Variants in ARSG observed in about 807,000 individuals in gnomAD.
ARSG encodes ASG.
Under a neutral mutation model 50.5 loss-of-function variants are expected in ARSG, and 37 were observed. The observed-to-expected ratio is 0.73, with a 90% CI of 0.56 to 0.96. The LOEUF (loss-of-function observed/expected upper bound fraction) is 0.96, where lower values mean the gene tolerates loss of function less well. Ranked by LOEUF, ARSG falls within the 50% of genes least tolerant of loss-of-function variation. The probability of loss-of-function intolerance (pLI) is 0.00; values close to 1 mark genes in which losing one functional copy is unlikely to be tolerated. For synonymous variants in ARSG, 225 were observed against 254.6 expected (o/e 0.88, Z 1.11); for missense variants, 629 against 675.3 (o/e 0.93, Z 0.76).
chr17:68,388,211 TCA>T, intron 9 of ARSG, among the ~76,000 whole-genome samples: 1 of 152,278 alleles, frequency 6.6e-6, no homozygotes, highest in East Asian at 1.9e-4. Flanking sequence ...GGAAAAGGTT[TCA>T]GTAGTTTTAA....
At chr17:68,437,006 A>ATGTGTGTG in the ARSG span, among the ~76,000 whole-genome samples, 3 of 68,784 alleles carry the variant, frequency 4.4e-5, no homozygotes, top group African/African-American at 1.6e-4. Context: ...AAAAAAAAAA[A>ATGTGTGTG]TATATATATA....
intron 2 of ARSG, among the ~76,000 whole-genome samples, chr17:68,341,953 G>A (rs547487430): frequency 6.6e-6 from 1 of 152,168 alleles, no homozygotes; most frequent in African/African-American, 2.4e-5. Flanking sequence ...CCAAGTAGCT[G>A]GGGTTACAGG....
intron 1 of ARSG, among the ~76,000 whole-genome samples, chr17:68,299,063 A>G (rs1408991736): frequency 6.7e-6 from 1 of 148,722 alleles, no homozygotes; most frequent in Admixed American, 6.7e-5. Flanking sequence ...AAAGTTTCCT[A>G]TTCTCATGCA....
At chr17:68,385,675 G>A (rs2080686073) in intron 9 of ARSG, among the ~76,000 whole-genome samples, 1 of 152,146 alleles carries the variant, frequency 6.6e-6, no homozygotes, top group African/African-American at 2.4e-5. Flanking sequence ...ACATACATCA[G>A]CATTGGGTCC....
intron 8 of ARSG, among the ~76,000 whole-genome samples, chr17:68,375,300 C>T (rs2080090476): frequency 6.6e-6 from 1 of 152,064 alleles, no homozygotes; most frequent in African/African-American, 2.4e-5. Context: ...GTAGAACTTT[C>T]AACTTTAGAC....
the ARSG span, among the ~76,000 whole-genome samples, chr17:68,439,566 C>T: frequency 1.3e-5 from 2 of 152,080 alleles, no homozygotes; most frequent in East Asian, 1.9e-4. Context: ...TACACAATTC[C>T]GTGAATATAC....
At chr17:68,273,995 GT>G (rs1568408041) in intron 1 of ARSG, 1 of 1,614,040 alleles carries the variant, frequency 6.2e-7, no homozygotes, top group Non-Finnish European at 8.5e-7. Flanking sequence ...CACCATCCCG[GT>G]GCTGACAAGT....
upstream of ARSG, among the ~76,000 whole-genome samples, chr17:68,286,650 A>G (rs897764595): frequency 1.4e-4 from 22 of 152,082 alleles, no homozygotes; most frequent in Admixed American, 1.4e-3. Flanking sequence ...GATTACAGGC[A>G]CCCACCATCA....
At chr17:68,312,115 A>G (rs2076884197) in intron 2 of ARSG, among the ~76,000 whole-genome samples, 1 of 151,970 alleles carries the variant, frequency 6.6e-6, no homozygotes, top group Admixed American at 6.6e-5. Context: ...TGTTGTTTTA[A>G]GCCACACAGC....
downstream of ARSG, chr17:68,422,055 GTA>G: frequency 1.8e-6 from 1 of 553,756 alleles, no homozygotes; most frequent in Non-Finnish European, 3.2e-6. Context: ...GTGTGTGTGT[GTA>G]TGTATTTATA....
At chr17:68,303,206 C>T (rs1489070583) in intron 1 of ARSG, among the ~76,000 whole-genome samples, 1 of 152,138 alleles carries the variant, frequency 6.6e-6, no homozygotes, top group Non-Finnish European at 1.5e-5. Context: ...CTCGCCACAG[C>T]CTTGAACTCC....
chr17:68,396,013 T>TG (rs1471491999), intron 10 of ARSG, among the ~76,000 whole-genome samples: 16 of 121,434 alleles, frequency 1.3e-4, no homozygotes, highest in African/African-American at 3.5e-4. Context: ...TTTTTTTTTT[T>TG]TGTTTTTTTT....
At chr17:68,345,908 C>G (rs968996874) in intron 3 of ARSG, among the ~76,000 whole-genome samples, 2 of 152,108 alleles carry the variant, frequency 1.3e-5, no homozygotes, top group Admixed American at 1.3e-4. Context: ...CAAAGTCTTA[C>G]TCTGTCACCC....
Position 68,271,560 on chromosome 17 carries a change from G to A in ARSG, c.-552+12134G>A. On this transcript the variant is annotated intron_variant, in intron 1 of 11. Transcript: ENST00000448504. The surrounding 1 kb of genome is among the most constrained non-coding windows in gnomAD (Gnocchi z 5.3). The stretch of plus-strand genomic sequence containing the variant: ...CTGGTCCTCTGATAAAGATGGGTCT[G>A]AGCAGTGCTCCGAAGATGACAATGT... 1.2e-6 allele frequency: 2 copies of A among 1,614,216 alleles called. No homozygotes were observed. The highest frequency in any genetic ancestry group is 1.1e-5 in the South Asian group (1 of 91,080).
intron 2 of ARSG, among the ~76,000 whole-genome samples, chr17:68,313,679 C>CACTTT (rs2076953146): frequency 2.5e-5 from 1 of 40,776 alleles, no homozygotes; most frequent in Non-Finnish European, 6.0e-5. Context: ...ATCTCTCTCT[C>CACTTT]TCTCTTTTTT....
chr17:68,352,175 GAGAGAGAGAC>G (rs2078827375), intron 5 of ARSG, among the ~76,000 whole-genome samples: 5 of 150,390 alleles, frequency 3.3e-5, no homozygotes, highest in African/African-American at 1.2e-4. Flanking sequence ...GAGAGAGAGA[GAGAGAGAGAC>G]AGAGACAGAG....
At chr17:68,386,080 C>T (rs1365702724) in intron 9 of ARSG, among the ~76,000 whole-genome samples, 1 of 152,186 alleles carries the variant, frequency 6.6e-6, no homozygotes, top group East Asian at 1.9e-4. Flanking sequence ...CTTATTGCCG[C>T]CTTAAGGCAG....
chr17:68,346,747 AC>A, intron 3 of ARSG: 1 of 1,285,260 alleles, frequency 7.8e-7, no homozygotes, highest in South Asian at 1.2e-5. Flanking sequence ...GTGCACCTGC[AC>A]CCTGGGCCTC....
rs2078539514 is a variant in ARSG at position 68,347,024 on chromosome 17, A to G, written c.407-101A>G. ...CTTCTTTTGGCTTGTCCACAGTGCG[A>G]GGCGAAGCTAATGGAGAGCTGAGTG... is the stretch of plus-strand genomic sequence containing the variant. On this transcript the variant is annotated intron_variant, in intron 3 of 11. Transcript: ENST00000621439. 1.9e-6 allele frequency: 3 copies of G among 1,574,378 alleles called. No individual in the cohort carries two copies. In the African/African-American group the frequency reaches 4.1e-5, roughly 21 times the overall value.
Sources: gnomAD v4.1 joint callset for allele counts (sites outside exome capture counted in the v4.1 genomes callset) on GRCh38, gnomAD v4.1.1 for gene constraint, Gnocchi (gnomAD v3.1) non-coding constraint, MANE v1.5 for transcripts, NCBI Gene and HGNC (gene_info 2026-07-23, HGNC 2026-07-21) for gene names.